Variants in TSPAN5 observed in about 807,000 individuals in gnomAD.
TSPAN5 encodes tetraspanin 5, also known as tetraspanin-5.
In TSPAN5, 10 loss-of-function variants were observed where a neutral mutation model predicts 37.1. That is an observed-to-expected ratio of 0.27 (90% CI 0.17 to 0.46). TSPAN5 has a LOEUF of 0.46. Among genes scored for constraint, TSPAN5 ranks in the 20% least tolerant of loss-of-function variants. The probability of loss-of-function intolerance (pLI) is 1.00; values close to 1 mark genes in which losing one functional copy is unlikely to be tolerated. For synonymous variants in TSPAN5, 110 were observed against 118.9 expected (o/e 0.93, Z 0.48); for missense variants, 195 against 326.6 (o/e 0.60, Z 3.11).
intron 1 of TSPAN5, among the ~76,000 whole-genome samples, chr4:98,614,950 T>C (rs972642063): frequency 6.6e-5 from 10 of 152,228 alleles, no homozygotes; most frequent in East Asian, 5.8e-4. Flanking sequence ...CTATGCCCTA[T>C]TGGCCAACAA....
intron 1 of TSPAN5, among the ~76,000 whole-genome samples, chr4:98,562,707 G>C (rs116067687): frequency 2.3e-3 from 341 of 150,866 alleles, no homozygotes; most frequent in Admixed American, 2.9e-3. Context: ...AAAAAAACAG[G>C]ATTTAAGAAC....
intron 1 of TSPAN5, among the ~76,000 whole-genome samples, chr4:98,539,830 C>G (rs1167983091): frequency 6.6e-6 from 1 of 152,056 alleles, no homozygotes; most frequent in African/African-American, 2.4e-5. Flanking sequence ...TTTCTAAGAT[C>G]AGCGTAGAAA....
chr4:98,590,765 C>T (rs1755611198), intron 1 of TSPAN5, among the ~76,000 whole-genome samples: 1 of 151,904 alleles, frequency 6.6e-6, no homozygotes, highest in South Asian at 2.1e-4. Context: ...GGTCACAGTG[C>T]TGATCAGTGT....
intron 4 of TSPAN5, among the ~76,000 whole-genome samples, chr4:98,481,588 T>G (rs1752838829): frequency 6.6e-6 from 1 of 152,202 alleles, no homozygotes; most frequent in Admixed American, 6.5e-5. Context: ...ATTATTCTGT[T>G]GATAAGTAGA....
At chr4:98,546,963 T>C (rs73832344) in intron 1 of TSPAN5, among the ~76,000 whole-genome samples, 5,398 of 152,290 alleles carry the variant, frequency 0.035, 219 homozygotes, top group South Asian at 0.13. Context: ...ATGAGGTCCA[T>C]GCAGCAGACA....
intron 3 of TSPAN5, chr4:98,484,738 G>A (rs1752923623): frequency 2.7e-6 from 1 of 364,810 alleles, no homozygotes; most frequent in Admixed American, 3.6e-5. Flanking sequence ...GAGCAAGGTG[G>A]ATCACTTGAG....
chr4:98,520,990 G>A (rs1038019835), intron 1 of TSPAN5, among the ~76,000 whole-genome samples: 2 of 152,252 alleles, frequency 1.3e-5, no homozygotes, highest in Non-Finnish European at 2.9e-5. Context: ...GGAGTGCAGT[G>A]GCGCAATCTC....
chr4:98,525,587 T>C (rs1753943135), intron 1 of TSPAN5, among the ~76,000 whole-genome samples: 1 of 152,162 alleles, frequency 6.6e-6, no homozygotes, highest in African/African-American at 2.4e-5. Context: ...ATCCTTTCTC[T>C]TGTTTTCGAG....
chr4:98,590,670 A>G (rs1022006675), intron 1 of TSPAN5, among the ~76,000 whole-genome samples: 3 of 151,482 alleles, frequency 2.0e-5, no homozygotes, highest in Admixed American at 6.6e-5. Context: ...AGGTTGCATC[A>G]CTGCACTCCA....
chr4:98,588,067 C>T (rs1292455314), intron 1 of TSPAN5, among the ~76,000 whole-genome samples: 2 of 152,176 alleles, frequency 1.3e-5, no homozygotes, highest in Non-Finnish European at 2.9e-5. Context: ...CGGCCATCCT[C>T]CCGCCCTGCA....
chr4:98,482,098 G>A lies in TSPAN5; in HGVS notation c.357C>T (p.Ile119=), dbSNP rs764262566. ...TTATAAAGAAATACAGCTGGTCTTTGATCCAGTCTTTGAAAACAAATGCTA... is the reference window on the plus strand; with the variant it reads ...TTATAAAGAAATACAGCTGGTCTTTAATCCAGTCTTTGAAAACAAATGCTA... ...GVLAFVFKDW[I]KDQLYFFINN... is the part of the protein sequence containing the mutation. Residue 119 remains isoleucine, a synonymous_variant, in exon 4 of 8, where the codon ATC becomes ATT. Coordinates refer to ENST00000305798, the MANE Select transcript of TSPAN5 (RefSeq NM_005723.4). 36 of 1,614,010 alleles carry A rather than the reference G, an allele frequency of 2.2e-5. No homozygotes were observed. Among genetic ancestry groups the A allele is most frequent in the Non-Finnish European group, 3.0e-5 (35 of 1,179,998 alleles).
chr4:98,573,916 A>G (rs1433460668), intron 1 of TSPAN5, among the ~76,000 whole-genome samples: 1 of 146,700 alleles, frequency 6.8e-6, no homozygotes, highest in Non-Finnish European at 1.5e-5. Flanking sequence ...CACTGCTCTT[A>G]TGATGCAGAG....
chr4:98,487,169 G>A (rs1469950262), intron 2 of TSPAN5, among the ~76,000 whole-genome samples: 2 of 150,648 alleles, frequency 1.3e-5, no homozygotes, highest in African/African-American at 4.9e-5. Context: ...ATGGAGGGAA[G>A]GAGGGAGGGA....
At chr4:98,606,044 GT>G (rs1427696364) in intron 1 of TSPAN5, among the ~76,000 whole-genome samples, 1 of 152,182 alleles carries the variant, frequency 6.6e-6, no homozygotes, top group Non-Finnish European at 1.5e-5. Context: ...CTGAACACTT[GT>G]TTCTGCACAG....
intron 1 of TSPAN5, among the ~76,000 whole-genome samples, chr4:98,539,632 T>C (rs1754315692): frequency 6.6e-6 from 1 of 152,146 alleles, no homozygotes; most frequent in Non-Finnish European, 1.5e-5. Context: ...AAAGGAGAAC[T>C]GTGGGCAAAA....
At chr4:98,475,138 G>A (rs976009401) in intron 7 of TSPAN5, among the ~76,000 whole-genome samples, 2 of 152,080 alleles carry the variant, frequency 1.3e-5, no homozygotes, top group African/African-American at 4.8e-5. Flanking sequence ...ATTTGTTTTG[G>A]CTATTATGGG....
At chr4:98,648,629 A>G (rs891579556) in intron 1 of TSPAN5, among the ~76,000 whole-genome samples, 3 of 152,226 alleles carry the variant, frequency 2.0e-5, no homozygotes, top group Non-Finnish European at 4.4e-5. Flanking sequence ...TTTTTGGATT[A>G]ATAAAAAATT....
At position 98,658,172 on chromosome 4, in the gene TSPAN5, T is replaced by C; in HGVS notation, c.55A>G (p.Ile19Val). 1.9e-6 allele frequency: 3 copies of C among 1,614,102 alleles called. No homozygotes were observed. The highest frequency in any genetic ancestry group is 2.5e-6 in the Non-Finnish European group (3 of 1,179,934). Residue 19 changes from isoleucine to valine, a missense_variant, in exon 1 of 8, where the codon ATA (isoleucine) becomes GTA (valine). Physicochemically the swap from Ile to Val is conservative, Grantham distance 29. Transcript: ENST00000305798. ...PEVSCCIKYF[I>V]FGFNVIFWFL... The stretch of plus-strand genomic sequence containing the variant: ...CAAAATATGACATTGAAGCCAAATA[T>C]GAAGTATTTGATGCAACAACTGACT...
At chr4:98,530,520 C>G (rs1754058264) in intron 1 of TSPAN5, among the ~76,000 whole-genome samples, 1 of 152,182 alleles carries the variant, frequency 6.6e-6, no homozygotes, top group African/African-American at 2.4e-5. Context: ...GCACACTCCA[C>G]CCCACCTGCA....
Sources: gnomAD v4.1 joint callset for allele counts (sites outside exome capture counted in the v4.1 genomes callset) on GRCh38, gnomAD v4.1.1 for gene constraint, MANE v1.5 for transcripts, NCBI Gene and HGNC (gene_info 2026-07-23, HGNC 2026-07-21) for gene names.